Variants in CDH23 observed in about 807,000 individuals in gnomAD.
CDH23 encodes cadherin related 23, also known as cadherin-23.
In CDH23, 189 loss-of-function variants were observed where a neutral mutation model predicts 317.1. The observed-to-expected ratio is 0.60, with a 90% confidence interval of 0.53 to 0.67. The LOEUF (loss-of-function observed/expected upper bound fraction) is 0.67. Ranked by LOEUF, CDH23 falls within the 30% of genes least tolerant of loss-of-function variation. The pLI, the probability that CDH23 is intolerant of heterozygous loss-of-function variation, is 0.00. For missense variants in CDH23, 4,401 were observed against 4,592.4 expected (o/e 0.96, Z 1.20); for synonymous variants, 1,839 against 1,876.8 (o/e 0.98, Z 0.52).
At chr10:71,654,487 G>A (rs1190833726) in intron 14 of CDH23, among the ~76,000 whole-genome samples, 1 of 152,232 alleles carries the variant, frequency 6.6e-6, no homozygotes, top group East Asian at 1.9e-4. Flanking sequence ...CAAACTTAGT[G>A]GCATAAAGCA....
At chr10:71,571,049 G>A (rs1274446476) in intron 8 of CDH23, 131 bp downstream of exon 8, 5 of 970,732 alleles carry the variant, frequency 5.2e-6, no homozygotes, top group African/African-American at 4.9e-5. Flanking sequence ...GTGCGTGGCA[G>A]TGATGAGTGT....
chr10:71,785,246 T>C, intron 43 of CDH23, 146 bp downstream of exon 43: 1 of 661,844 alleles, frequency 1.5e-6, no homozygotes, highest in South Asian at 2.0e-5. Flanking sequence ...GTGGGAAGCA[T>C]GGAATCTTGG....
intron 38 of CDH23, chr10:71,761,547 G>A (rs1239634888): frequency 6.7e-7 from 1 of 1,493,946 alleles, no homozygotes; most frequent in African/African-American, 1.4e-5. Context: ...CACACCATCA[G>A]ACAGGCAGCC....
Position 71,643,565 on chromosome 10 carries a change from C to CG in CDH23, c.1135-296_1135-295insG, listed in dbSNP as rs567738105. Among the ~76,000 whole-genome samples, 57 of 151,688 alleles carry CG rather than the reference C, an allele frequency of 3.8e-4. 1 individual carries two copies. The highest frequency in any genetic ancestry group is 1.0e-3 in the Admixed American group (16 of 15,240). ...CAGGGAGACAGGAGCCCTTGCCCCCCCCTCACCTCCTCACCCTTCATGCCG... is the reference window on the plus strand; with the variant it reads ...CAGGGAGACAGGAGCCCTTGCCCCCCGCCTCACCTCCTCACCCTTCATGCCG... On this transcript the variant is annotated intron_variant, in intron 11 of 69. Coordinates refer to ENST00000224721, the MANE Select transcript of CDH23 (RefSeq NM_022124.6).
intron 3 of CDH23, among the ~76,000 whole-genome samples, chr10:71,490,827 A>G (rs2132139441): frequency 6.6e-6 from 1 of 152,320 alleles, no homozygotes; most frequent in Admixed American, 6.5e-5. Context: ...ACAGATGAGG[A>G]AACTGAGGCA....
In CDH23 at chr10:71,510,124, AC is replaced by A. The variant is rs796051861; in HGVS notation, c.193del (p.Leu65TrpfsTer49). 17 of 1,613,700 alleles carry A rather than the reference AC, an allele frequency of 1.1e-5. No homozygotes were observed. Among genetic ancestry groups the A allele is most frequent in the Non-Finnish European group, 1.4e-5 (16 of 1,179,846 alleles). Reference protein sequence around the residue: ...TQLLAQDMDNDPLVFGVSGEE... With the variant: ...TQLLAQDMDNXPLVFGVSGEE... ...TTGCTGGCCCAAGACATGGACAATG[AC>A]CCCCTGGTGTTTGGCGTGTCTGGGG... On this transcript the variant is annotated frameshift_variant, in exon 4 of 70. Coordinates refer to ENST00000224721, the MANE Select transcript of CDH23 (RefSeq NM_022124.6). LOFTEE classifies it high-confidence loss of function.
intron 11 of CDH23, among the ~76,000 whole-genome samples, chr10:71,620,585 C>T (rs10999915): frequency 0.069 from 10,513 of 152,266 alleles, 1,214 homozygotes; most frequent in African/African-American, 0.24. Flanking sequence ...CCAGGCTCAG[C>T]CATTGGCACA....
At chr10:71,731,890 G>A in intron 31 of CDH23, 97 bp from the exon 32 acceptor site, 1 of 1,346,460 alleles carries the variant, frequency 7.4e-7, no homozygotes, top group Non-Finnish European at 1.0e-6. Context: ...ATGCTGGGTG[G>A]GCCACCCAGG....
In CDH23 at chr10:71,465,986, T is replaced by G. The variant is rs1722351331; in HGVS notation, c.145+19591T>G. Among the ~76,000 whole-genome samples, 3 of 152,172 alleles carry G rather than the reference T, an allele frequency of 2.0e-5. No homozygotes were observed. In the South Asian group the frequency reaches 6.2e-4, roughly 32 times the overall value. On this transcript the variant is annotated intron_variant, in intron 3 of 69. Transcript: ENST00000224721. The stretch of plus-strand genomic sequence containing the variant: ...GTGATGTCTCAAAAGAGCCTGTGCG[T>G]CACCCCGGCCTGTGCTGGGCGGCTC...
chr10:71,568,080 G>A (rs920591808), intron 7 of CDH23, among the ~76,000 whole-genome samples: 2 of 152,246 alleles, frequency 1.3e-5, no homozygotes, highest in Non-Finnish European at 2.9e-5. Context: ...TGGCCAAGAT[G>A]CAGAGAGAGG....
intron 3 of CDH23, among the ~76,000 whole-genome samples, chr10:71,500,669 T>TA (rs1853240588): frequency 6.6e-6 from 1 of 152,286 alleles, no homozygotes; most frequent in Non-Finnish European, 1.5e-5. Flanking sequence ...GGCTTTGTGA[T>TA]AAAAACCATG....
chr10:71,720,440 C>CACACACACACAT (rs1472712828), intron 28 of CDH23, among the ~76,000 whole-genome samples: 3 of 151,800 alleles, frequency 2.0e-5, no homozygotes, highest in African/African-American at 7.3e-5. Context: ...CACACACACA[C>CACACACACACAT]ACACACACAC....
intron 3 of CDH23, among the ~76,000 whole-genome samples, chr10:71,505,481 C>T (rs913142600): frequency 6.6e-6 from 1 of 151,984 alleles, no homozygotes; most frequent in Admixed American, 6.5e-5. Context: ...AGTAACTCGG[C>T]GAGCTCCGCT....
At chr10:71,789,153 T>G (rs993117533) in intron 45 of CDH23, 111 bp downstream of exon 45, 2 of 637,232 alleles carry the variant, frequency 3.1e-6, no homozygotes, top group African/African-American at 3.6e-5. Flanking sequence ...TAGACCCCAG[T>G]GGGTGCGGGA....
chr10:71,770,970 AAGAGCTGACCATTGCTGCGTC>A, intron 38 of CDH23, among the ~76,000 whole-genome samples: 1 of 152,318 alleles, frequency 6.6e-6, no homozygotes, highest in East Asian at 1.9e-4. Context: ...TGGATTTCCT[AAGAGCTGACCATTGCTGCGTC>A]AGAGGCTTGC....
intron 1 of CDH23, among the ~76,000 whole-genome samples, chr10:71,430,331 G>A (rs1849311798): frequency 6.6e-6 from 1 of 152,138 alleles, no homozygotes; most frequent in African/African-American, 2.4e-5. Context: ...TGGCAAAGAT[G>A]TGGGGAAACC....
intron 9 of CDH23, among the ~76,000 whole-genome samples, chr10:71,609,202 C>T (rs1860710162): frequency 6.6e-6 from 1 of 152,028 alleles, no homozygotes; most frequent in Non-Finnish European, 1.5e-5. Flanking sequence ...TAAGCTCCCC[C>T]TGCCCCACAT....
At chr10:71,792,175 G>A (rs771980358) in intron 47 of CDH23, among the ~76,000 whole-genome samples, 3 of 152,178 alleles carry the variant, frequency 2.0e-5, no homozygotes, top group East Asian at 3.9e-4. Context: ...GAAGCAATGA[G>A]GCCAATGGGG....
Position 71,556,749 on chromosome 10 carries a change from GATTC to G in CDH23, c.430-9988_430-9985del, listed in dbSNP as rs374442395. ...GCTTATAATAAAAGCAGCAGACCCT[GATTC>G]ATTCTTTACCACTCCTGCTTCCCAC... On this transcript the variant is annotated intron_variant, in intron 6 of 69. Coordinates refer to ENST00000224721, the MANE Select transcript of CDH23 (RefSeq NM_022124.6). 5.5e-4 allele frequency among the ~76,000 whole-genome samples: 84 copies of G among 152,286 alleles called. 1 individual carries two copies. Among genetic ancestry groups the G allele is most frequent in the African/African-American group, 1.9e-3 (80 of 41,570 alleles).
Sources: allele counts gnomAD v4.1 joint callset (sites outside exome capture counted in the v4.1 genomes callset), GRCh38; gene constraint gnomAD v4.1.1; transcripts MANE v1.5; gene names NCBI Gene and HGNC (gene_info 2026-07-23, HGNC 2026-07-21).